Variants in SDK2 observed in about 807,000 individuals in gnomAD.
The protein encoded by SDK2 is protein sidekick-2.
A neutral mutation model predicts 253.9 loss-of-function variants in SDK2; 105 were observed. That is an observed-to-expected ratio of 0.41 (90% CI 0.35 to 0.49). SDK2 has a LOEUF of 0.49. SDK2 is among the 20% of genes least tolerant of loss of function. The pLI, the probability that SDK2 is intolerant of heterozygous loss-of-function variation, is 0.06. For missense variants in SDK2, 2,608 were observed against 3,003.0 expected (o/e 0.87, Z 3.07); for synonymous variants, 1,249 against 1,234.9 (o/e 1.01, Z -0.24).
At chr17:73,432,829 T>C (rs973712390) in intron 10 of SDK2, among the ~76,000 whole-genome samples, 3 of 152,028 alleles carry the variant, frequency 2.0e-5, no homozygotes, top group African/African-American at 7.2e-5. Context: ...TATGTACGTG[T>C]GCATGTATGT....
intron 18 of SDK2, among the ~76,000 whole-genome samples, chr17:73,402,615 CTTTT>C (rs35702792): frequency 8.6e-5 from 13 of 152,022 alleles, no homozygotes; most frequent in Admixed American, 5.9e-4. Context: ...CCCTGTATTC[CTTTT>C]TTGAGATGGG....
intron 2 of SDK2, among the ~76,000 whole-genome samples, chr17:73,479,257 G>T (rs546139571): frequency 6.6e-6 from 1 of 152,218 alleles, no homozygotes; most frequent in African/African-American, 2.4e-5. Flanking sequence ...CACTGAGCTC[G>T]GGAACCCAGA....
chr17:73,633,238 C>T (rs893880782), intron 1 of SDK2, among the ~76,000 whole-genome samples: 1 of 152,162 alleles, frequency 6.6e-6, no homozygotes, highest in African/African-American at 2.4e-5. Flanking sequence ...TCAGCTCTTA[C>T]TACGCCACCG....
At position 73,431,535 on chromosome 17, in the gene SDK2, C is replaced by A. The variant is rs747769635; in HGVS notation, c.1447G>T (p.Val483Phe). Reference sequence around the variant, plus strand: ...ACTAGGTCTGCTGAGGCCTCATCGACCCCCCGAGAGTTGGTGGCCAGGCAG... The same window carrying A: ...ACTAGGTCTGCTGAGGCCTCATCGAACCCCCGAGAGTTGGTGGCCAGGCAG... ...YTCLATNSRG[V>F]DEASADLVVW... Residue 483 changes from valine (V) to phenylalanine (F), a missense_variant, in exon 11 of 45, where the codon GTC becomes TTC. Val to Phe is a conservative substitution (Grantham distance 50, BLOSUM62 -1). Transcript: ENST00000392650. This position sits in a 1 kb window ranked among gnomAD's most constrained non-coding sequence, Gnocchi z 5.6. 89 of 1,613,224 alleles carry A rather than the reference C, an allele frequency of 5.5e-5. No homozygotes were observed. The highest frequency in any genetic ancestry group is 8.0e-5 in the African/African-American group (6 of 74,878).
At position 73,639,462 on chromosome 17, in the gene SDK2, G is replaced by A. The variant is rs935316950; in HGVS notation, c.64+4563C>T. ...GGGGAGGGGGCACCCGGGGTGTCTC[G>A]GCAACCAGCTTGTTTTCCTTTCCAT... is the stretch of plus-strand genomic sequence containing the variant. On this transcript the variant is annotated intron_variant, in intron 1 of 44. Coordinates refer to ENST00000392650, the MANE Select transcript of SDK2 (RefSeq NM_001144952.2). The surrounding 1 kb of genome is among the most constrained non-coding windows in gnomAD (Gnocchi z 4.3). Among the ~76,000 whole-genome samples, 8 of 152,274 alleles carry A rather than the reference G, an allele frequency of 5.3e-5. No homozygotes were observed. Among genetic ancestry groups the A allele is most frequent in the South Asian group, 2.1e-4 (1 of 4,820 alleles).
At chr17:73,548,738 G>A (rs2045007500) in intron 1 of SDK2, among the ~76,000 whole-genome samples, 1 of 152,248 alleles carries the variant, frequency 6.6e-6, no homozygotes. Context: ...CTGTCTGGGG[G>A]AAGTAGAGGG....
At chr17:73,377,652 C>G (rs192851688) in intron 36 of SDK2, among the ~76,000 whole-genome samples, 2 of 148,310 alleles carry the variant, frequency 1.3e-5, no homozygotes, top group African/African-American at 5.0e-5. Context: ...TTTTTGAGAC[C>G]TCTTGGCTGG....
intron 21 of SDK2, among the ~76,000 whole-genome samples, chr17:73,400,378 G>C (rs2063012197): frequency 6.6e-6 from 1 of 152,224 alleles, no homozygotes. Flanking sequence ...GGCGACAGTG[G>C]GAAATTTTCC....
chr17:73,474,958 C>T (rs1470333190), intron 2 of SDK2, among the ~76,000 whole-genome samples: 2 of 152,124 alleles, frequency 1.3e-5, no homozygotes, highest in East Asian at 3.8e-4. Flanking sequence ...ACCATGTTTG[C>T]CTAGCAGATC....
intron 1 of SDK2, among the ~76,000 whole-genome samples, chr17:73,551,225 C>A (rs1306694941): frequency 6.6e-6 from 1 of 152,184 alleles, no homozygotes; most frequent in Non-Finnish European, 1.5e-5. Flanking sequence ...TGGCGGCCGG[C>A]TCCCCATCAG....
chr17:73,488,798 CT>C (rs1567802260), intron 2 of SDK2, among the ~76,000 whole-genome samples: 1 of 152,166 alleles, frequency 6.6e-6, no homozygotes, highest in Non-Finnish European at 1.5e-5. Context: ...AAGTTCCTTT[CT>C]TTTTTAATGT....
intron 16 of SDK2, among the ~76,000 whole-genome samples, chr17:73,418,799 G>T (rs542513965): frequency 3.8e-4 from 58 of 152,266 alleles, no homozygotes; most frequent in African/African-American, 1.3e-3. Context: ...CGGCCAGCTG[G>T]TTTCTCCACT....
chr17:73,514,720 C>T (rs1427122313), intron 1 of SDK2, among the ~76,000 whole-genome samples: 1 of 152,222 alleles, frequency 6.6e-6, no homozygotes, highest in Non-Finnish European at 1.5e-5. Flanking sequence ...GGCTTCTTCT[C>T]AGGCATAGAA....
At chr17:73,450,143 G>A (rs1427511463) in intron 4 of SDK2, among the ~76,000 whole-genome samples, 1 of 152,198 alleles carries the variant, frequency 6.6e-6, no homozygotes, top group Non-Finnish European at 1.5e-5. Flanking sequence ...GAGAGTTGGA[G>A]GAGGGGTCCT....
rs1051777186 is a variant in SDK2 at position 73,616,260 on chromosome 17, G to T, written c.64+27765C>A. Among the ~76,000 whole-genome samples, 1 of 152,014 alleles carries T rather than the reference G, an allele frequency of 6.6e-6. No individual in the cohort carries two copies. Among genetic ancestry groups the T allele is most frequent in the Non-Finnish European group, 1.5e-5 (1 of 67,994 alleles). ...CGGCAGCCCCAGGCATCCCGGTGCT[G>T]CTTGCCTTCCCCACCCTCTCCCCGC... On this transcript the variant is annotated intron_variant, in intron 1 of 44. Transcript: ENST00000392650. This position sits in a 1 kb window ranked among gnomAD's most constrained non-coding sequence, Gnocchi z 5.2.
At chr17:73,473,084 G>A (rs1042646216) in intron 2 of SDK2, among the ~76,000 whole-genome samples, 2 of 152,200 alleles carry the variant, frequency 1.3e-5, no homozygotes, top group Non-Finnish European at 2.9e-5. Flanking sequence ...TTGGGCTGGC[G>A]GGGTTGGGCA....
rs2045953416 is a variant in SDK2, at chr17:73,609,985, G to C, written c.64+34040C>G. Reference sequence around the variant, plus strand: ...CCAGGCAGCTGCACGGGAAACAGGTGTCCTGCTGAACAAGATGGAAGCAGG... The same window carrying C: ...CCAGGCAGCTGCACGGGAAACAGGTCTCCTGCTGAACAAGATGGAAGCAGG... On this transcript the variant is annotated intron_variant, in intron 1 of 44. Transcript: ENST00000392650. This position sits in a 1 kb window ranked among gnomAD's most constrained non-coding sequence, Gnocchi z 4.4. 6.6e-6 allele frequency among the ~76,000 whole-genome samples: 1 copy of C among 152,214 alleles called. No homozygotes were observed. Among genetic ancestry groups the C allele is most frequent in the Non-Finnish European group, 1.5e-5 (1 of 68,038 alleles).
intron 32 of SDK2, among the ~76,000 whole-genome samples, chr17:73,384,807 C>A (rs1043010252): frequency 6.6e-6 from 1 of 152,190 alleles, no homozygotes. Flanking sequence ...CAGCGCAAGA[C>A]TGTGTCTCAA....
intron 1 of SDK2, among the ~76,000 whole-genome samples, chr17:73,593,900 G>A (rs933388097): frequency 2.6e-5 from 4 of 152,162 alleles, no homozygotes; most frequent in East Asian, 1.9e-4. Flanking sequence ...CCATGTGGCC[G>A]AGTCTGTGTT....
Sources: allele counts gnomAD v4.1 joint callset (sites outside exome capture counted in the v4.1 genomes callset), GRCh38; gene constraint gnomAD v4.1.1; non-coding constraint Gnocchi (gnomAD v3.1); transcripts MANE v1.5; gene names NCBI Gene and HGNC (gene_info 2026-07-23, HGNC 2026-07-21).